Variants in RASIP1 observed in about 807,000 individuals in gnomAD.
The protein encoded by RASIP1 is Ras interacting protein 1, also known as ras-interacting protein 1.
RASIP1 carries 20 observed loss-of-function variants against 85.3 expected under a neutral mutation model. The observed-to-expected ratio is 0.23, with a 90% CI of 0.17 to 0.34. The LOEUF is 0.34. Among genes scored for constraint, RASIP1 ranks in the 10% least tolerant of loss-of-function variants. The pLI is 1.00. For missense variants in RASIP1, 1,170 were observed against 1,390.9 expected, an observed-to-expected ratio of 0.84 and a Z score of 2.53; for synonymous variants, 617 against 647.1, an observed-to-expected ratio of 0.95 and a Z score of 0.71.
chr19:48,739,728 G>T lies in RASIP1; in HGVS notation c.138-83C>A, dbSNP rs1264697002. ...ACGGGGGTGGGGGCATATTAGGAGG[G>T]AAGTGGGCAGAGACCCAGAGGGAGG... On this transcript the variant is annotated intron_variant, in intron 2 of 11. Coordinates refer to ENST00000222145, the MANE Select transcript of RASIP1 (RefSeq NM_017805.3). This position sits in a 1 kb window ranked among gnomAD's most constrained non-coding sequence, Gnocchi z 9.2. 5 of 1,104,894 alleles carry T rather than the reference G, an allele frequency of 4.5e-6. No homozygotes were observed. The highest frequency in any genetic ancestry group is 5.6e-6 in the Non-Finnish European group (5 of 895,982). 68.4% of individuals were successfully genotyped at this position (1,104,894 alleles called of 1,614,324 possible). A position where few individuals can be genotyped will look rare whatever the true frequency, so the allele number is the denominator to read the frequency against.
intron 5 of RASIP1, among the ~76,000 whole-genome samples, chr19:48,728,141 C>T (rs1034575492): frequency 3.3e-5 from 5 of 152,184 alleles, no homozygotes; most frequent in Non-Finnish European, 7.3e-5. Flanking sequence ...TGGTTAGGCC[C>T]TAGCTCAATA....
intron 11 of RASIP1, 151 bp downstream of exon 11, chr19:48,721,703 T>A: frequency 9.6e-7 from 1 of 1,044,524 alleles, no homozygotes. Flanking sequence ...CTCGGGAGGC[T>A]GAGGCAGGAG....
In RASIP1 at chr19:48,727,414, A is replaced by G; in HGVS notation, c.1850T>C (p.Ile617Thr). ...KEAVWEKIKEIGDRQPENHPE... is the reference protein window; with the variant it reads ...KEAVWEKIKETGDRQPENHPE... The stretch of plus-strand genomic sequence containing the variant: ...TTACTTTTCTGGCTGACGGTCTCCA[A>G]TTTCCTTAATCTTTTCCTGTGGAAC... The change falls in exon 6 of 12, where the codon ATT becomes ACT. Residue 617 changes from isoleucine (I) to threonine (T), a missense_variant. Physicochemically the swap from Ile to Thr is moderately conservative, Grantham distance 89. This residue lies in a region of RASIP1 where 426 missense variants were observed against 576.2 expected (regional missense o/e 0.74). Coordinates refer to ENST00000222145, the MANE Select transcript of RASIP1 (RefSeq NM_017805.3). The G allele has an allele frequency of 6.2e-7, 1 of 1,614,020 alleles. No individual in the cohort carries two copies. Among genetic ancestry groups the G allele is most frequent in the Non-Finnish European group, 8.5e-7 (1 of 1,179,902 alleles).
chr19:48,737,703 G>A, intron 3 of RASIP1: 1 of 985,152 alleles, frequency 1.0e-6, no homozygotes, highest in South Asian at 4.7e-5. Context: ...AACCTACTTG[G>A]CAGAGCTGCC....
At chr19:48,733,392 T>G (rs575510592) in intron 4 of RASIP1, among the ~76,000 whole-genome samples, 2 of 152,336 alleles carry the variant, frequency 1.3e-5, no homozygotes, top group Non-Finnish European at 2.9e-5. Flanking sequence ...TTTCTTCCTC[T>G]TTTGTACCAA....
chr19:48,737,422 C>T (rs2033593066), intron 3 of RASIP1: 1 of 982,882 alleles, frequency 1.0e-6, no homozygotes, highest in Non-Finnish European at 1.2e-6. Flanking sequence ...CAGGCGCGGT[C>T]CACCACCAGC....
intron 3 of RASIP1, chr19:48,737,676 T>A: frequency 1.0e-6 from 1 of 985,308 alleles, no homozygotes; most frequent in Middle Eastern, 5.2e-4. Flanking sequence ...ACATAGGCCC[T>A]GCTCAGTAGC....
intron 4 of RASIP1, 61 bp from the exon 5 acceptor site, chr19:48,729,651 C>T: frequency 1.3e-6 from 2 of 1,483,094 alleles, no homozygotes; most frequent in Non-Finnish European, 1.8e-6. Flanking sequence ...CAGATCTGTT[C>T]TCTCTGTTTT....
At position 48,739,783 on chromosome 19, in the gene RASIP1, G is replaced by A; in HGVS notation, c.138-138C>T. ...GGACCCAGGGTGGATGGACGGGGCG[G>A]GGGTGAGGGTGGGGACAGACGCGAG... On this transcript the variant is annotated intron_variant, in intron 2 of 11. Transcript: ENST00000222145. The surrounding 1 kb of genome is among the most constrained non-coding windows in gnomAD (Gnocchi z 9.2). 1.2e-6 allele frequency: 1 copy of A among 817,040 alleles called. No homozygotes were observed. Among genetic ancestry groups the A allele is most frequent in the Non-Finnish European group, 1.7e-6 (1 of 576,320 alleles). The allele number at this position is 817,040 out of a possible 1,614,324, so 50.6% of individuals were successfully genotyped here. A position where few individuals can be genotyped will look rare whatever the true frequency, so the allele number is the denominator to read the frequency against.
chr19:48,725,722 G>C (rs1330684482), intron 8 of RASIP1: 1 of 152,118 alleles, frequency 6.6e-6, no homozygotes. Flanking sequence ...GATGAAAGAG[G>C]ATCTTCAGTT....
chr19:48,724,714 C>A lies in RASIP1; in HGVS notation c.2371+3G>T. On this transcript the variant is annotated splice_donor_region_variant and intron_variant, in intron 9 of 11. Transcript: ENST00000222145. The surrounding 1 kb of genome is among the most constrained non-coding windows in gnomAD (Gnocchi z 4.6). The stretch of plus-strand genomic sequence containing the variant: ...TCCCTGACAGCTCCCAGCCAACCTT[C>A]ACCTCGTTCCATCAGCGAGTTGAGA... The A allele has an allele frequency of 6.2e-7, 1 of 1,614,138 alleles. No individual in the cohort carries two copies. Among genetic ancestry groups the A allele is most frequent in the Non-Finnish European group, 8.5e-7 (1 of 1,180,010 alleles).
chr19:48,728,816 G>A (rs887042752), intron 5 of RASIP1, 121 bp downstream of exon 5: 3 of 1,093,712 alleles, frequency 2.7e-6, no homozygotes, highest in Non-Finnish European at 3.6e-6. Flanking sequence ...AATCCTTCCC[G>A]AGGCGTCATG....
intron 7 of RASIP1, 58 bp from the exon 8 acceptor site, chr19:48,726,946 G>A (rs752422241): frequency 1.2e-6 from 2 of 1,609,794 alleles, no homozygotes; most frequent in South Asian, 1.1e-5. Context: ...AGGAGCCCAG[G>A]TCCCCAGGTG....
intron 8 of RASIP1, chr19:48,725,255 G>T (rs2033322966): frequency 7.0e-6 from 2 of 286,020 alleles, no homozygotes; most frequent in African/African-American, 2.2e-5. Context: ...TTCAGTCAAA[G>T]AATTATTCAT....
intron 10 of RASIP1, among the ~76,000 whole-genome samples, 171 bp from the exon 11 acceptor site, chr19:48,722,172 G>A (rs2033259993): frequency 6.6e-6 from 1 of 152,116 alleles, no homozygotes; most frequent in Non-Finnish European, 1.5e-5. Flanking sequence ...GGGGAAGGGT[G>A]TGCTCCCAGC....
Position 48,724,844 on chromosome 19 carries a change from C to G in RASIP1, c.2244G>C (p.Leu748=). ...GAMPPGLRPT[L]GVFQAALELT... ...GCTCCAAGGCTGCCTGGAACACGCCCAGGGTAGGTCTCAATCCTGGAGGCA... is the reference window on the plus strand; with the variant it reads ...GCTCCAAGGCTGCCTGGAACACGCCGAGGGTAGGTCTCAATCCTGGAGGCA... Residue 748 remains leucine (L), a synonymous_variant, in exon 9 of 12, where the codon CTG becomes CTC. Transcript: ENST00000222145. The surrounding 1 kb of genome is among the most constrained non-coding windows in gnomAD (Gnocchi z 4.6). The G allele has an allele frequency of 1.9e-6, 3 of 1,614,254 alleles. No homozygotes were observed. The highest frequency in any genetic ancestry group is 2.5e-6 in the Non-Finnish European group (3 of 1,180,044).
At chr19:48,733,729 C>T (rs2033506826) in intron 4 of RASIP1, among the ~76,000 whole-genome samples, 1 of 151,642 alleles carries the variant, frequency 6.6e-6, no homozygotes, top group African/African-American at 2.4e-5. Flanking sequence ...ATTGCTTGAA[C>T]CTGGGAGGCA....
Position 48,740,439 on chromosome 19 carries a change from T to C in RASIP1, c.-5+82A>G. On this transcript the variant is annotated intron_variant, in intron 1 of 11. Coordinates refer to ENST00000222145, the MANE Select transcript of RASIP1 (RefSeq NM_017805.3). The surrounding 1 kb of genome is among the most constrained non-coding windows in gnomAD (Gnocchi z 5.5). Reference sequence around the variant, plus strand: ...AGGGATGGTACCCTGGATTCCTGGGTCCTGGGATGGAAGATGGCTGGGGGA... The same window carrying C: ...AGGGATGGTACCCTGGATTCCTGGGCCCTGGGATGGAAGATGGCTGGGGGA... The C allele has an allele frequency of 7.2e-7, 1 of 1,395,216 alleles. No individual in the cohort carries two copies. The highest frequency in any genetic ancestry group is 9.3e-7 in the Non-Finnish European group (1 of 1,074,556). 86.4% of individuals were successfully genotyped at this position (1,395,216 alleles called of 1,614,324 possible). A position where few individuals can be genotyped will look rare whatever the true frequency, so the allele number is the denominator to read the frequency against.
chr19:48,736,216 C>A (rs2033568824), intron 3 of RASIP1, among the ~76,000 whole-genome samples: 1 of 150,900 alleles, frequency 6.6e-6, no homozygotes. Context: ...GAGATCGAGA[C>A]CATCTTGGCT....
Sources: gnomAD v4.1 joint callset for allele counts (sites outside exome capture counted in the v4.1 genomes callset) on GRCh38, gnomAD v4.1.1 for gene constraint, gnomAD v4.1.1 regional missense constraint, Gnocchi (gnomAD v3.1) non-coding constraint, MANE v1.5 for transcripts, NCBI Gene and HGNC (gene_info 2026-07-23, HGNC 2026-07-21) for gene names.